PLAC1: variants seen among roughly 807,000 people sequenced by gnomAD.
PLAC1 encodes placenta associated 1.
For missense variants in PLAC1, 136 were observed against 163.2 expected (o/e 0.83, Z 0.91); for synonymous variants, 68 against 62.1 (o/e 1.09, Z -0.44).
At chrX:134,682,347 T>C in intron 2 of PLAC1, among the ~76,000 whole-genome samples, 1 of 111,947 alleles carries the variant, frequency 8.9e-6, no homozygotes, top group East Asian at 2.8e-4. Context: ...ATAGGAACTT[T>C]GACAAATTAT....
At chrX:134,663,443 TGTGTGC>T (rs2078423944), upstream of PLAC1, among the ~76,000 whole-genome samples, 1 of 112,464 alleles carries the variant, frequency 8.9e-6, no homozygotes, top group Non-Finnish European at 1.9e-5. Flanking sequence ...TGTGTGTGTG[TGTGTGC>T]GCGCACGCGC....
chrX:134,679,379 G>A lies in PLAC1; in HGVS notation n.174+54056C>T, dbSNP rs760829274. 3.6e-5 allele frequency among the ~76,000 whole-genome samples: 4 copies of A among 110,879 alleles called. No homozygotes were observed. In the East Asian group the frequency reaches 1.1e-3, roughly 31 times the overall value. Reference sequence around the variant, plus strand: ...TCCACATCTGGAAGCCATCAGCCACGGGGTTGGATGATATCACCATTGGAG... The same window carrying A: ...TCCACATCTGGAAGCCATCAGCCACAGGGTTGGATGATATCACCATTGGAG... On this transcript the variant is annotated intron_variant and non_coding_transcript_variant, in intron 2 of 2. Coordinates refer to the PLAC1 transcript ENST00000466797.
chrX:134,638,610 A>G (rs1004572089), intron 1 of PLAC1, among the ~76,000 whole-genome samples: 1 of 111,591 alleles, frequency 9.0e-6, no homozygotes, highest in African/African-American at 3.3e-5. Flanking sequence ...TTAGGTAAAG[A>G]AAGATTCCCA....
chrX:134,653,527 A>T (rs776682096), intron 1 of PLAC1, among the ~76,000 whole-genome samples: 1 of 111,640 alleles, frequency 9.0e-6, no homozygotes, highest in South Asian at 3.8e-4. Context: ...CCCTAAAATG[A>T]CATTGGGCCT....
intron 1 of PLAC1, among the ~76,000 whole-genome samples, chrX:134,647,385 CTTCT>C (rs2078339023): frequency 2.9e-5 from 3 of 105,167 alleles, no homozygotes. Flanking sequence ...ATGTTGTGGT[CTTCT>C]ATGTGTGGGC....
In PLAC1 at chrX:134,568,574, G is replaced by C. The variant is rs751321017; in HGVS notation, c.-58-1834C>G. On this transcript the variant is annotated intron_variant, in intron 2 of 2. Transcript: ENST00000359237. ...AAGAGAAGCCCCACAGGTCTGCCAGGCTCCTTCCTCTTTGTTCCTTCTGAA... is the reference window on the plus strand; with the variant it reads ...AAGAGAAGCCCCACAGGTCTGCCAGCCTCCTTCCTCTTTGTTCCTTCTGAA... Among the ~76,000 whole-genome samples the C allele has an allele frequency of 1.9e-3, 214 of 111,559 alleles. 1 individual carries two copies. The highest frequency in any genetic ancestry group is 3.3e-3 in the Non-Finnish European group (177 of 53,134).
chrX:134,701,566 G>C (rs2078583138), intron 2 of PLAC1, among the ~76,000 whole-genome samples: 1 of 111,987 alleles, frequency 8.9e-6, no homozygotes, highest in Non-Finnish European at 1.9e-5. Flanking sequence ...CCCAAAATCT[G>C]TAAGGAATTT....
At chrX:134,589,519 G>A (rs961477131) in intron 2 of PLAC1, among the ~76,000 whole-genome samples, 10 of 109,883 alleles carry the variant, frequency 9.1e-5, no homozygotes, top group African/African-American at 2.3e-4. Flanking sequence ...TTGAGGTCAC[G>A]AGTTCGAGAC....
intron 1 of PLAC1, among the ~76,000 whole-genome samples, chrX:134,752,554 GACAC>G (rs1010841917): frequency 9.0e-6 from 1 of 110,790 alleles, no homozygotes; most frequent in African/African-American, 3.3e-5. Flanking sequence ...TCTTTCAACA[GACAC>G]ATTGCTCTGC....
At chrX:134,708,246 T>C (rs2078613913) in intron 2 of PLAC1, among the ~76,000 whole-genome samples, 3 of 111,255 alleles carry the variant, frequency 2.7e-5, no homozygotes, top group African/African-American at 9.8e-5. Flanking sequence ...AATCAAGACA[T>C]CCTCAGATGA....
At position 134,612,034 on chromosome X, in the gene PLAC1, C is replaced by A. The variant is rs144271229; in HGVS notation, c.-130-9912G>T. Among the ~76,000 whole-genome samples, 160 of 112,571 alleles carry A rather than the reference C, an allele frequency of 1.4e-3. 1 individual carries two copies. Among genetic ancestry groups the A allele is most frequent in the African/African-American group, 5.0e-3 (155 of 31,036 alleles). ...AGCAAACTAGTTTGCAGAAATGCTA[C>A]TCTGCCTCCCTGGTAGATGACTTTG... On this transcript the variant is annotated intron_variant, in intron 1 of 2. Coordinates refer to ENST00000359237, the MANE Select transcript of PLAC1 (RefSeq NM_021796.4).
At chrX:134,627,709 A>C (rs745343631) in intron 1 of PLAC1, among the ~76,000 whole-genome samples, 1 of 112,196 alleles carries the variant, frequency 8.9e-6, no homozygotes, top group Non-Finnish European at 1.9e-5. Flanking sequence ...CTTTATTTTC[A>C]TTCCCTTTCA....
At chrX:134,578,240 C>T (rs1050733594) in intron 2 of PLAC1, among the ~76,000 whole-genome samples, 2 of 109,396 alleles carry the variant, frequency 1.8e-5, no homozygotes, top group Non-Finnish European at 3.8e-5. Context: ...GGTGAAACCC[C>T]GTCTCTACTA....
intron 1 of PLAC1, among the ~76,000 whole-genome samples, chrX:134,740,980 T>A (rs761476801): frequency 5.1e-4 from 57 of 112,149 alleles, no homozygotes; most frequent in South Asian, 1.5e-3. Context: ...GCCATGAAAT[T>A]TGTAGTAATG....
intron 1 of PLAC1, among the ~76,000 whole-genome samples, chrX:134,736,331 A>G (rs1180711517): frequency 1.8e-5 from 2 of 111,467 alleles, no homozygotes; most frequent in African/African-American, 6.5e-5. Flanking sequence ...CTGATATGAA[A>G]TCTGCAAATA....
chrX:134,604,471 T>C (rs1315020400), intron 1 of PLAC1: 1 of 111,776 alleles, frequency 8.9e-6, no homozygotes, highest in Non-Finnish European at 1.9e-5. Context: ...CAGCCTTTCA[T>C]CTCTAGGGCC....
At chrX:134,594,542 T>A (rs2078053737) in intron 2 of PLAC1, among the ~76,000 whole-genome samples, 1 of 111,803 alleles carries the variant, frequency 8.9e-6, no homozygotes, top group African/African-American at 3.2e-5. Context: ...GGGGAGTTTT[T>A]AAATTATGAA....
intron 2 of PLAC1, among the ~76,000 whole-genome samples, chrX:134,672,178 C>T (rs746220594): frequency 5.9e-4 from 66 of 112,210 alleles, no homozygotes; most frequent in Non-Finnish European, 1.0e-3. Context: ...CTGGTGGTGA[C>T]GACCCTACTA....
At chrX:134,581,111 A>G (rs753507976) in intron 2 of PLAC1, among the ~76,000 whole-genome samples, 17 of 111,920 alleles carry the variant, frequency 1.5e-4, no homozygotes, top group African/African-American at 5.5e-4. Context: ...ATCTTTAAAA[A>G]GAATGGGCTT....
Sources: allele counts gnomAD v4.1 joint callset (sites outside exome capture counted in the v4.1 genomes callset), GRCh38; gene constraint gnomAD v4.1.1; transcripts MANE v1.5; gene names NCBI Gene and HGNC (gene_info 2026-07-23, HGNC 2026-07-21).